KCNIP4: variants seen among roughly 807,000 people sequenced by gnomAD.
KCNIP4 encodes potassium voltage-gated channel interacting protein 4, also known as Kv channel-interacting protein 4.
Under a neutral mutation model 34.0 loss-of-function variants are expected in KCNIP4, and 12 were observed. The ratio of observed to expected loss-of-function variants is 0.35; its 90% CI spans 0.23 to 0.57. The LOEUF (loss-of-function observed/expected upper bound fraction) is 0.57, where lower values mean the gene tolerates loss of function less well. KCNIP4 is among the 20% of genes least tolerant of loss of function. The probability of loss-of-function intolerance (pLI) is 0.83; values close to 1 mark genes in which losing one functional copy is unlikely to be tolerated. For missense variants in KCNIP4, 238 were observed against 311.7 expected, an observed-to-expected ratio of 0.76 and a Z score of 1.78; for synonymous variants, 124 against 102.2, an observed-to-expected ratio of 1.21 and a Z score of -1.29.
intron 1 of KCNIP4, among the ~76,000 whole-genome samples, chr4:20,985,609 G>A (rs1252241560): frequency 6.6e-6 from 1 of 152,140 alleles, no homozygotes; most frequent in African/African-American, 2.4e-5. Context: ...GCTATAAATG[G>A]TACATGAATG....
At chr4:20,987,383 C>T (rs1736673861) in intron 1 of KCNIP4, among the ~76,000 whole-genome samples, 2 of 149,926 alleles carry the variant, frequency 1.3e-5, no homozygotes. Context: ...GTAATGAGTC[C>T]TCCAGCAGAG....
In KCNIP4 at chr4:21,259,792, C is replaced by T. The variant is rs149083286; in HGVS notation, c.62-377083G>A. Among the ~76,000 whole-genome samples the T allele has an allele frequency of 4.8e-3, 724 of 152,110 alleles. 13 individuals are homozygous for T. The highest frequency in any genetic ancestry group is 0.016 in the African/African-American group (683 of 41,516). On this transcript the variant is annotated intron_variant, in intron 1 of 8. Coordinates refer to ENST00000382152, the MANE Select transcript of KCNIP4 (RefSeq NM_025221.6). ...TGGCTGTCACCCTGGGTGTCAGCTG[C>T]GCAGGTTCTTTCCAACAAAAGAAAC...
intron 1 of KCNIP4, among the ~76,000 whole-genome samples, chr4:21,837,532 CAAAAA>C (rs60449238): frequency 1.1e-4 from 9 of 78,530 alleles, no homozygotes; most frequent in African/African-American, 3.6e-4. Context: ...AAAACGCTGT[CAAAAA>C]AAAAAAAAAA....
intron 1 of KCNIP4, among the ~76,000 whole-genome samples, chr4:21,807,257 C>T (rs539848996): frequency 6.6e-6 from 1 of 152,262 alleles, no homozygotes; most frequent in East Asian, 1.9e-4. Context: ...ACACTCATCT[C>T]CTGCTGTGCT....
intron 1 of KCNIP4, among the ~76,000 whole-genome samples, chr4:21,396,471 G>T (rs1018923409): frequency 6.8e-6 from 1 of 147,628 alleles, no homozygotes. Flanking sequence ...CAGGAGAGTT[G>T]CCTGAACCCG....
chr4:20,736,472 C>A (rs971932041), intron 5 of KCNIP4, among the ~76,000 whole-genome samples: 5 of 152,008 alleles, frequency 3.3e-5, no homozygotes, highest in Admixed American at 1.3e-4. Flanking sequence ...TAATTTTATA[C>A]CCTGTCAATT....
intron 1 of KCNIP4, among the ~76,000 whole-genome samples, chr4:20,937,737 T>C (rs1731228838): frequency 1.3e-5 from 2 of 152,176 alleles, no homozygotes; most frequent in South Asian, 2.1e-4. Flanking sequence ...AATTAGAGTC[T>C]GCTTTGGATG....
intron 1 of KCNIP4, among the ~76,000 whole-genome samples, chr4:21,818,509 C>T (rs13150985): frequency 0.078 from 11,932 of 152,178 alleles, 538 homozygotes; most frequent in Middle Eastern, 0.13. Context: ...TTTGTAGCCA[C>T]TAGTGGTGTA....
intron 1 of KCNIP4, among the ~76,000 whole-genome samples, chr4:21,504,465 C>CAAAAAAAAA (rs376644707): frequency 3.4e-4 from 19 of 56,312 alleles, no homozygotes; most frequent in African/African-American, 1.2e-3. Context: ...GACTCCAACT[C>CAAAAAAAAA]AAAAAAAAAA....
chr4:20,844,202 A>G (rs924710146), intron 3 of KCNIP4, among the ~76,000 whole-genome samples: 1 of 152,208 alleles, frequency 6.6e-6, no homozygotes, highest in African/African-American at 2.4e-5. Context: ...GCACTATGTC[A>G]GTCTATGGAA....
At chr4:21,472,884 C>A (rs62295508) in intron 1 of KCNIP4, among the ~76,000 whole-genome samples, 29,495 of 152,010 alleles carry the variant, frequency 0.19, 3,407 homozygotes, top group Non-Finnish European at 0.27. Context: ...TTTATAAATG[C>A]CTAGTATAGT....
At chr4:20,952,260 AAAG>A (rs1388150727) in intron 1 of KCNIP4, among the ~76,000 whole-genome samples, 1 of 152,218 alleles carries the variant, frequency 6.6e-6, no homozygotes, top group Non-Finnish European at 1.5e-5. Flanking sequence ...GTGACTCACA[AAAG>A]AAGAAAGTAA....
chr4:21,286,283 A>C (rs929767469), intron 1 of KCNIP4, among the ~76,000 whole-genome samples: 3 of 152,234 alleles, frequency 2.0e-5, no homozygotes, highest in African/African-American at 7.2e-5. Flanking sequence ...TAGTCTGGAT[A>C]CCTGCCTATG....
intron 1 of KCNIP4, among the ~76,000 whole-genome samples, chr4:21,497,905 T>C (rs1229926371): frequency 1.3e-5 from 2 of 152,108 alleles, no homozygotes; most frequent in Non-Finnish European, 2.9e-5. Flanking sequence ...AGCACTCTTA[T>C]GGGAAAATCT....
At chr4:21,054,535 GA>G (rs1442155353) in intron 1 of KCNIP4, among the ~76,000 whole-genome samples, 1 of 146,946 alleles carries the variant, frequency 6.8e-6, no homozygotes, top group Admixed American at 6.8e-5. Context: ...AAAAAAAAAA[GA>G]ATAGACAAAG....
At chr4:20,917,538 A>C (rs1391356454) in intron 1 of KCNIP4, among the ~76,000 whole-genome samples, 1 of 152,200 alleles carries the variant, frequency 6.6e-6, no homozygotes, top group Non-Finnish European at 1.5e-5. Context: ...CCTCATTCAC[A>C]TTAATCATTC....
At chr4:21,683,927 A>G (rs1750606038) in intron 1 of KCNIP4, among the ~76,000 whole-genome samples, 1 of 152,096 alleles carries the variant, frequency 6.6e-6, no homozygotes, top group African/African-American at 2.4e-5. Context: ...CTAAATGATA[A>G]GAATTCATGA....
chr4:21,450,622 A>G (rs1030612468), intron 1 of KCNIP4, among the ~76,000 whole-genome samples: 7 of 152,126 alleles, frequency 4.6e-5, no homozygotes, highest in African/African-American at 1.7e-4. Flanking sequence ...AGCATTTTAA[A>G]GGCAGACAGC....
intron 1 of KCNIP4, among the ~76,000 whole-genome samples, chr4:21,947,411 CA>C (rs1226596826): frequency 1.3e-5 from 2 of 152,110 alleles, no homozygotes; most frequent in Non-Finnish European, 2.9e-5. Context: ...TTTTCCAGTC[CA>C]AAAGGATTAA....
Sources: allele counts gnomAD v4.1 joint callset (sites outside exome capture counted in the v4.1 genomes callset), GRCh38; gene constraint gnomAD v4.1.1; transcripts MANE v1.5; gene names NCBI Gene and HGNC (gene_info 2026-07-23, HGNC 2026-07-21).